PRICKLE1: variants seen among roughly 807,000 people sequenced by gnomAD.
PRICKLE1 encodes prickle-like protein 1.
A neutral mutation model predicts 70.2 loss-of-function variants in PRICKLE1; 14 were observed. The ratio of observed to expected loss-of-function variants is 0.20; its 90% CI spans 0.13 to 0.31. The LOEUF (loss-of-function observed/expected upper bound fraction) is 0.31, where lower values mean the gene tolerates loss of function less well. PRICKLE1 is among the 10% of genes least tolerant of loss of function. PRICKLE1 has a pLI of 1.00. For missense variants in PRICKLE1, 821 were observed against 1,026.2 expected, an observed-to-expected ratio of 0.80 and a Z score of 2.73; for synonymous variants, 357 against 379.9, an observed-to-expected ratio of 0.94 and a Z score of 0.70.
chr12:42,552,979 C>T (rs1029915054), intron 1 of PRICKLE1, among the ~76,000 whole-genome samples: 5 of 152,188 alleles, frequency 3.3e-5, no homozygotes, highest in Non-Finnish European at 1.5e-5. Context: ...TGCAGCTGAT[C>T]TGACAGGAGG....
intron 1 of PRICKLE1, among the ~76,000 whole-genome samples, chr12:42,486,179 AG>A (rs1410666227): frequency 6.6e-6 from 1 of 152,216 alleles, no homozygotes; most frequent in African/African-American, 2.4e-5. Context: ...TCTACAGAGA[AG>A]GCTTCAACTC....
Position 42,513,513 on chromosome 12 carries a change from G to A in PRICKLE1, c.-48-40949C>T, listed in dbSNP as rs558337526. 1.7e-3 allele frequency among the ~76,000 whole-genome samples: 252 copies of A among 152,142 alleles called. 2 individuals carry two copies. The highest frequency in any genetic ancestry group is 5.7e-3 in the African/African-American group (237 of 41,514). On this transcript the variant is annotated intron_variant, in intron 1 of 7. Transcript: ENST00000345127. ...GCTGCAGCGTGCTATGATAATGCCC[G>A]TGAATAGCTGCTGCATTCCAGCCTG... is the stretch of plus-strand genomic sequence containing the variant.
chr12:42,530,547 C>T (rs753532463), intron 1 of PRICKLE1, among the ~76,000 whole-genome samples: 1 of 152,108 alleles, frequency 6.6e-6, no homozygotes, highest in East Asian at 1.9e-4. Flanking sequence ...AGGTTCCCAA[C>T]ATTTTTTCTA....
Position 42,464,186 on chromosome 12 carries a change from A to G in PRICKLE1, c.1639+209T>C, listed in dbSNP as rs750480966. Among the ~76,000 whole-genome samples, 38 of 151,888 alleles carry G rather than the reference A, an allele frequency of 2.5e-4. No individual in the cohort carries two copies. Among genetic ancestry groups the G allele is most frequent in the Non-Finnish European group, 4.6e-4 (31 of 67,982 alleles). On this transcript the variant is annotated intron_variant, in intron 7 of 7. Coordinates refer to ENST00000345127, the MANE Select transcript of PRICKLE1 (RefSeq NM_153026.3). This position sits in a 1 kb window ranked among gnomAD's most constrained non-coding sequence, Gnocchi z 4.2. ...TGGGATCACAGGCCCATGCCCAGCT[A>G]ATTTTTGTATTTTTAGTAGAGCCGC... is the stretch of plus-strand genomic sequence containing the variant.
intron 3 of PRICKLE1, 108 bp from the exon 4 acceptor site, chr12:42,469,695 G>A (rs1036220765): frequency 6.3e-6 from 9 of 1,425,318 alleles, no homozygotes; most frequent in Non-Finnish European, 8.8e-6. Flanking sequence ...AGTTTAGCTC[G>A]CCTGTGTCAC....
At chr12:42,462,262 A>G (rs1454097431) in intron 7 of PRICKLE1, among the ~76,000 whole-genome samples, 3 of 151,198 alleles carry the variant, frequency 2.0e-5, no homozygotes, top group African/African-American at 7.3e-5. Flanking sequence ...GTGCAGTGGT[A>G]TGATCTCGGC....
At chr12:42,569,564 T>C (rs1440981675) in intron 1 of PRICKLE1, among the ~76,000 whole-genome samples, 1 of 152,212 alleles carries the variant, frequency 6.6e-6, no homozygotes, top group African/African-American at 2.4e-5. Context: ...ATACCAGTAA[T>C]CTTTTTCAGC....
In PRICKLE1 at chr12:42,468,486, T is replaced by C. The variant is rs1019177971; in HGVS notation, c.588+140A>G. 4.9e-6 allele frequency: 4 copies of C among 812,832 alleles called. No homozygotes were observed. The African/African-American group carries it at 5.1e-5, about 10-fold the overall frequency. The allele number at this position is 812,832 out of a possible 1,614,324, so 50.4% of individuals were successfully genotyped here. Reference sequence around the variant, plus strand: ...ACCAAATATAGATCATTTCATTGTATGAATGTACAGGATTATGTTTAAAAC... The same window carrying C: ...ACCAAATATAGATCATTTCATTGTACGAATGTACAGGATTATGTTTAAAAC... On this transcript the variant is annotated intron_variant, in intron 5 of 7. Coordinates refer to ENST00000345127, the MANE Select transcript of PRICKLE1 (RefSeq NM_153026.3).
chr12:42,475,866 G>A (rs1208905295), intron 1 of PRICKLE1, among the ~76,000 whole-genome samples: 3 of 151,846 alleles, frequency 2.0e-5, no homozygotes, highest in Admixed American at 6.6e-5. Flanking sequence ...GCTGGGGGGG[G>A]GCGGGGGCAG....
At chr12:42,536,186 T>C (rs987811357) in intron 1 of PRICKLE1, among the ~76,000 whole-genome samples, 1 of 152,218 alleles carries the variant, frequency 6.6e-6, no homozygotes. Flanking sequence ...GTAGCAATTA[T>C]GGGCAGAAAG....
intron 1 of PRICKLE1, among the ~76,000 whole-genome samples, chr12:42,534,776 GGATACTAAA>G (rs1401010162): frequency 2.0e-5 from 3 of 151,318 alleles, no homozygotes; most frequent in Non-Finnish European, 4.4e-5. Context: ...TTTTGAAAGG[GGATACTAAA>G]AAAAACCCCA....
intron 1 of PRICKLE1, among the ~76,000 whole-genome samples, chr12:42,484,806 C>T (rs974997800): frequency 1.2e-4 from 19 of 152,084 alleles, no homozygotes; most frequent in Admixed American, 1.0e-3. Flanking sequence ...AACATATCCT[C>T]AAAGCAAGCC....
intron 1 of PRICKLE1, among the ~76,000 whole-genome samples, chr12:42,481,904 A>C (rs1938807540): frequency 6.6e-6 from 1 of 151,876 alleles, no homozygotes; most frequent in Middle Eastern, 3.2e-3. Flanking sequence ...CTAAAGACAA[A>C]GTCACTGCCA....
At chr12:42,510,252 G>T (rs980323946) in intron 1 of PRICKLE1, among the ~76,000 whole-genome samples, 1 of 151,908 alleles carries the variant, frequency 6.6e-6, no homozygotes, top group Non-Finnish European at 1.5e-5. Flanking sequence ...CCGCCACCAG[G>T]CCCGGCTAAT....
Position 42,485,978 on chromosome 12 carries a change from G to C in PRICKLE1, c.-48-13414C>G, listed in dbSNP as rs533129204. Among the ~76,000 whole-genome samples the C allele has an allele frequency of 3.3e-5, 5 of 152,320 alleles. No homozygotes were observed. In the South Asian group the frequency reaches 8.3e-4, roughly 25 times the overall value. Reference sequence around the variant, plus strand: ...AAACAGACTTTAGTCTGGTCTGAAAGGGGTTGTTATTGTCAAGGGTGAACT... The same window carrying C: ...AAACAGACTTTAGTCTGGTCTGAAACGGGTTGTTATTGTCAAGGGTGAACT... On this transcript the variant is annotated intron_variant, in intron 1 of 7. Coordinates refer to ENST00000345127, the MANE Select transcript of PRICKLE1 (RefSeq NM_153026.3).
At chr12:42,533,376 C>T (rs764635181) in intron 1 of PRICKLE1, among the ~76,000 whole-genome samples, 55 of 152,132 alleles carry the variant, frequency 3.6e-4, no homozygotes, top group Non-Finnish European at 6.0e-4. Context: ...AATTACTGTA[C>T]TTGTCTTTGT....
At position 42,458,730 on chromosome 12, in the gene PRICKLE1, T is replaced by C. The variant is rs751878241; in HGVS notation, c.*1079A>G. 2 of 152,242 alleles carry C rather than the reference T, an allele frequency of 1.3e-5. No individual in the cohort carries two copies. Among genetic ancestry groups the C allele is most frequent in the Admixed American group, 6.5e-5 (1 of 15,294 alleles). 9.4% of individuals were successfully genotyped at this position (152,242 alleles called of 1,614,324 possible). On this transcript the variant is annotated 3_prime_UTR_variant, in exon 8 of 8. Transcript: ENST00000345127. The stretch of plus-strand genomic sequence containing the variant: ...TTTGTCATTTCCCATGAGATAATCA[T>C]CACCTTGCTGAAAATGAGAAAGGCA...
At chr12:42,577,454 G>A (rs558439914) in intron 1 of PRICKLE1, among the ~76,000 whole-genome samples, 1 of 152,252 alleles carries the variant, frequency 6.6e-6, no homozygotes, top group Non-Finnish European at 1.5e-5. Flanking sequence ...AAGGCTATAA[G>A]TTGCACCTGG....
At chr12:42,474,427 A>G (rs1265144680) in intron 1 of PRICKLE1, among the ~76,000 whole-genome samples, 1 of 152,246 alleles carries the variant, frequency 6.6e-6, no homozygotes, top group African/African-American at 2.4e-5. Context: ...AATGCCACAC[A>G]TATATTATTC....
Sources: allele counts gnomAD v4.1 joint callset (sites outside exome capture counted in the v4.1 genomes callset), GRCh38; gene constraint gnomAD v4.1.1; non-coding constraint Gnocchi (gnomAD v3.1); transcripts MANE v1.5; gene names NCBI Gene and HGNC (gene_info 2026-07-23, HGNC 2026-07-21).